Variants in ITGAV observed in about 807,000 individuals in gnomAD.
ITGAV encodes the protein integrin subunit alpha V.
Under a neutral mutation model 143.8 loss-of-function variants are expected in ITGAV, and 76 were observed. That is an observed-to-expected ratio of 0.53 (90% CI 0.44 to 0.64). The LOEUF (loss-of-function observed/expected upper bound fraction) is 0.64, where lower values mean the gene tolerates loss of function less well. ITGAV is among the 30% of genes least tolerant of loss of function. The probability of loss-of-function intolerance (pLI) is 0.00; values close to 1 mark genes in which losing one functional copy is unlikely to be tolerated. For synonymous variants in ITGAV, 453 were observed against 446.7 expected (o/e 1.01, Z -0.18); for missense variants, 1,193 against 1,274.7 (o/e 0.94, Z 0.98).
intron 16 of ITGAV, 79 bp downstream of exon 16, chr2:186,654,787 A>T (rs1291222898): frequency 1.5e-6 from 1 of 645,630 alleles, no homozygotes; most frequent in East Asian, 2.8e-5. Flanking sequence ...AGATATTCAA[A>T]TAGTTACTTG....
intron 5 of ITGAV, among the ~76,000 whole-genome samples, chr2:186,631,633 C>T (rs149248487): frequency 3.9e-5 from 6 of 152,256 alleles, no homozygotes; most frequent in East Asian, 3.9e-4. Context: ...CTTATATGTA[C>T]GCTTTCTTAG....
At chr2:186,606,368 T>C (rs1005899373) in intron 2 of ITGAV, among the ~76,000 whole-genome samples, 4 of 152,298 alleles carry the variant, frequency 2.6e-5, no homozygotes, top group African/African-American at 9.6e-5. Context: ...TACTGTTAGG[T>C]TACCCTCATC....
At chr2:186,667,259 C>T in intron 23 of ITGAV, 29 bp downstream of exon 23, 1 of 1,485,168 alleles carries the variant, frequency 6.7e-7, no homozygotes, top group Admixed American at 1.7e-5. Context: ...TTGAGTATCT[C>T]ATTCTCATGA....
rs540661247 is a variant in ITGAV, at chr2:186,667,321, C to G, written c.2327+91C>G. On this transcript the variant is annotated intron_variant, in intron 23 of 29. Coordinates refer to ENST00000261023, the MANE Select transcript of ITGAV (RefSeq NM_002210.5). ...CTTAGCCTTTTCTGGACAATAGACC[C>G]TGCATGTTTAGTGGTGGTTTTACTA... The G allele has an allele frequency of 8.3e-5, 77 of 927,190 alleles. 1 individual carries two copies. The African/African-American group carries it at 1.2e-3, about 15-fold the overall frequency. 57.4% of individuals were successfully genotyped at this position (927,190 alleles called of 1,614,324 possible). A position where few individuals can be genotyped will look rare whatever the true frequency, so the allele number is the denominator to read the frequency against.
In ITGAV at chr2:186,625,460, C is replaced by T. The variant is rs201385343; in HGVS notation, c.409-13C>T. The T allele has an allele frequency of 6.3e-7, 1 of 1,576,608 alleles. No homozygotes were observed. The highest frequency in any genetic ancestry group is 8.7e-7 in the Non-Finnish European group (1 of 1,146,756). Reference sequence around the variant, plus strand: ...GAAAATCTTCGTGTCGTGGACTAAACCTTTGATTTTAGGCCTGTGCCCCAT... The same window carrying T: ...GAAAATCTTCGTGTCGTGGACTAAATCTTTGATTTTAGGCCTGTGCCCCAT... On this transcript the variant is annotated splice_polypyrimidine_tract_variant and intron_variant, in intron 3 of 29. Coordinates refer to ENST00000261023, the MANE Select transcript of ITGAV (RefSeq NM_002210.5).
intron 4 of ITGAV, among the ~76,000 whole-genome samples, chr2:186,626,780 A>G (rs1049644428): frequency 2.6e-5 from 4 of 152,214 alleles, no homozygotes; most frequent in African/African-American, 7.2e-5. Context: ...GTTAGAAAGC[A>G]TACACTGCAC....
intron 4 of ITGAV, among the ~76,000 whole-genome samples, chr2:186,627,642 A>G (rs1687709054): frequency 6.6e-6 from 1 of 152,140 alleles, no homozygotes; most frequent in African/African-American, 2.4e-5. Context: ...TCTTTTTGTG[A>G]ATAAAGTTTT....
At chr2:186,644,403 G>A (rs1346962378) in intron 12 of ITGAV, among the ~76,000 whole-genome samples, 1 of 151,666 alleles carries the variant, frequency 6.6e-6, no homozygotes. Context: ...TCGGCTCACT[G>A]CAACCTCCGC....
chr2:186,619,828 T>C (rs1687473274), intron 2 of ITGAV, among the ~76,000 whole-genome samples: 1 of 151,974 alleles, frequency 6.6e-6, no homozygotes, highest in African/African-American at 2.4e-5. Context: ...CTGTCTCTAC[T>C]GAAAGTACAA....
chr2:186,636,182 A>G lies in ITGAV; in HGVS notation c.732A>G (p.Gln244=), dbSNP rs756467330. ...YNNQLATRTA[Q]AIFDDSYLGY... Reference sequence around the variant, plus strand: ...ACCAATTAGCAACTCGGACTGCACAAGCTATTTTTGATGACAGCTATTTGG... The same window carrying G: ...ACCAATTAGCAACTCGGACTGCACAGGCTATTTTTGATGACAGCTATTTGG... Residue 244 remains glutamine (Q), a synonymous_variant, in exon 7 of 30, where the codon CAA becomes CAG. Transcript: ENST00000261023. The G allele has an allele frequency of 5.6e-6, 9 of 1,612,388 alleles. No individual in the cohort carries two copies. The highest frequency in any genetic ancestry group is 4.0e-5 in the African/African-American group (3 of 74,842).
chr2:186,669,688 G>A lies in ITGAV; in HGVS notation c.2593-13G>A. 6.4e-6 allele frequency: 10 copies of A among 1,565,428 alleles called. No individual in the cohort carries two copies. The highest frequency in any genetic ancestry group is 7.9e-6 in the Non-Finnish European group (9 of 1,142,684). On this transcript the variant is annotated splice_polypyrimidine_tract_variant and intron_variant, in intron 25 of 29. Coordinates refer to ENST00000261023, the MANE Select transcript of ITGAV (RefSeq NM_002210.5). ...TATCATTTACCACCATTTTATTAATGTGATTGCATTAGATCTCATCTTTGC... is the reference window on the plus strand; with the variant it reads ...TATCATTTACCACCATTTTATTAATATGATTGCATTAGATCTCATCTTTGC...
At chr2:186,635,023 A>G (rs1687914426) in intron 6 of ITGAV, among the ~76,000 whole-genome samples, 1 of 152,062 alleles carries the variant, frequency 6.6e-6, no homozygotes, top group South Asian at 2.1e-4. Context: ...TATTGCATAA[A>G]TAGGAATAAT....
intron 26 of ITGAV, among the ~76,000 whole-genome samples, chr2:186,670,405 A>G (rs1338785782): frequency 2.0e-5 from 3 of 152,008 alleles, no homozygotes; most frequent in Non-Finnish European, 4.4e-5. Flanking sequence ...GGCTCAAGCA[A>G]TCCTCCCCTA....
intron 18 of ITGAV, among the ~76,000 whole-genome samples, chr2:186,660,086 GTTAA>G (rs1372408499): frequency 6.6e-6 from 1 of 151,950 alleles, no homozygotes; most frequent in African/African-American, 2.4e-5. Flanking sequence ...TTCTTTGAAA[GTTAA>G]TTGTTACTTG....
chr2:186,672,829 A>C (rs939897071), intron 26 of ITGAV, among the ~76,000 whole-genome samples: 6 of 152,218 alleles, frequency 3.9e-5, no homozygotes, highest in African/African-American at 7.2e-5. Flanking sequence ...CCTTCATTAG[A>C]TATATGATTG....
At chr2:186,614,641 T>G (rs1357280077) in intron 2 of ITGAV, among the ~76,000 whole-genome samples, 1 of 152,010 alleles carries the variant, frequency 6.6e-6, no homozygotes, top group Non-Finnish European at 1.5e-5. Flanking sequence ...TTCATATGCT[T>G]ATTAGCTCTT....
chr2:186,678,740 A>G lies in ITGAV; in HGVS notation c.*1448A>G, dbSNP rs747122549. Reference sequence around the variant, plus strand: ...GATCAGTTATACCTATTTTTGTGCAATTACATCATGTTGTACATTAGAAAT... The same window carrying G: ...GATCAGTTATACCTATTTTTGTGCAGTTACATCATGTTGTACATTAGAAAT... On this transcript the variant is annotated 3_prime_UTR_variant, in exon 30 of 30. Coordinates refer to ENST00000261023, the MANE Select transcript of ITGAV (RefSeq NM_002210.5). 2.2e-6 allele frequency: 1 copy of G among 455,836 alleles called. No individual in the cohort carries two copies. Among genetic ancestry groups the G allele is most frequent in the South Asian group, 1.6e-5 (1 of 64,456 alleles). The allele number at this position is 455,836 out of a possible 1,614,324, so 28.2% of individuals were successfully genotyped here.
chr2:186,653,501 T>G (rs1688501197), intron 15 of ITGAV, among the ~76,000 whole-genome samples: 1 of 152,182 alleles, frequency 6.6e-6, no homozygotes, highest in South Asian at 2.1e-4. Context: ...ATTAAAGATA[T>G]TGTTCCTGAA....
At chr2:186,633,543 ATATATAT>A (rs1687874972) in intron 6 of ITGAV, among the ~76,000 whole-genome samples, 169 bp downstream of exon 6, 1 of 150,642 alleles carries the variant, frequency 6.6e-6, no homozygotes, top group Non-Finnish European at 1.5e-5. Flanking sequence ...AATATATATA[ATATATAT>A]TAAATATGTG....
Sources: allele counts gnomAD v4.1 joint callset (sites outside exome capture counted in the v4.1 genomes callset), GRCh38; gene constraint gnomAD v4.1.1; transcripts MANE v1.5; gene names NCBI Gene and HGNC (gene_info 2026-07-23, HGNC 2026-07-21).